The following SYT10 variants were observed in gnomAD, a reference collection of about 807,000 sequenced individuals.
The protein encoded by SYT10 is synaptotagmin 10, also known as synaptotagmin-10.
In SYT10, 31 loss-of-function variants were observed where a neutral mutation model predicts 51.1. The ratio of observed to expected loss-of-function variants is 0.61; its 90% CI spans 0.46 to 0.82. The LOEUF is 0.82. SYT10 is among the 40% of genes least tolerant of loss of function. The pLI is 0.00. For synonymous variants in SYT10, 233 were observed against 225.9 expected (o/e 1.03, Z -0.28); for missense variants, 603 against 634.0 (o/e 0.95, Z 0.53).
chr12:33,389,181 G>A (rs1447824076), intron 3 of SYT10, among the ~76,000 whole-genome samples: 6 of 152,138 alleles, frequency 3.9e-5, no homozygotes, highest in Non-Finnish European at 7.4e-5. Context: ...AGGAGAGTTA[G>A]GCTTGATGTA....
At chr12:33,421,848 A>G (rs1230108162) in intron 2 of SYT10, among the ~76,000 whole-genome samples, 2 of 152,294 alleles carry the variant, frequency 1.3e-5, no homozygotes, top group South Asian at 2.1e-4. Flanking sequence ...ATCTTGTAGT[A>G]CATAAAAACG....
At chr12:33,439,304 GGA>G in intron 1 of SYT10, 66 bp downstream of exon 1, 1 of 1,546,328 alleles carries the variant, frequency 6.5e-7, no homozygotes, top group Non-Finnish European at 8.7e-7. Flanking sequence ...GCAGAACCCC[GGA>G]GCTTGCAGCC....
chr12:33,412,982 C>T (rs1377964039), intron 2 of SYT10, among the ~76,000 whole-genome samples: 1 of 152,098 alleles, frequency 6.6e-6, no homozygotes, highest in African/African-American at 2.4e-5. Context: ...GTATAGAAGT[C>T]CTTAAATGAC....
intron 2 of SYT10, among the ~76,000 whole-genome samples, chr12:33,409,094 C>T (rs1866383703): frequency 6.6e-6 from 1 of 152,088 alleles, no homozygotes; most frequent in South Asian, 2.1e-4. Flanking sequence ...CCTCAGAACA[C>T]TCATTTCAAA....
chr12:33,393,206 T>G (rs1284612413), intron 3 of SYT10, among the ~76,000 whole-genome samples: 1 of 151,894 alleles, frequency 6.6e-6, no homozygotes, highest in Admixed American at 6.6e-5. Flanking sequence ...GACAGTGAAG[T>G]AAGAGGGAAT....
chr12:33,385,105 T>A, intron 4 of SYT10, 66 bp downstream of exon 4: 1 of 1,574,122 alleles, frequency 6.4e-7, no homozygotes, highest in Non-Finnish European at 8.7e-7. Flanking sequence ...TCATGTATCA[T>A]TTTTAGATAC....
chr12:33,408,710 G>A (rs1447314644), intron 2 of SYT10, among the ~76,000 whole-genome samples: 1 of 152,066 alleles, frequency 6.6e-6, no homozygotes, highest in East Asian at 1.9e-4. Flanking sequence ...AATTTCTAAG[G>A]AAGATTTCTA....
chr12:33,388,926 T>A (rs977060051), intron 3 of SYT10, among the ~76,000 whole-genome samples: 49 of 152,098 alleles, frequency 3.2e-4, no homozygotes, highest in African/African-American at 1.2e-3. Context: ...AATAGTAAAA[T>A]CAAGCTGTAG....
chr12:33,400,957 G>A (rs1866299034), intron 3 of SYT10, among the ~76,000 whole-genome samples: 1 of 151,460 alleles, frequency 6.6e-6, no homozygotes, highest in Non-Finnish European at 1.5e-5. Context: ...ACCTGGGGAG[G>A]TGGAGGCTGC....
intron 2 of SYT10, among the ~76,000 whole-genome samples, chr12:33,424,194 G>T (rs1453780565): frequency 6.6e-5 from 10 of 152,064 alleles, no homozygotes; most frequent in Non-Finnish European, 1.5e-5. Flanking sequence ...TAATTACTGA[G>T]AAATTCATAG....
chr12:33,418,263 C>T (rs1866472126), intron 2 of SYT10, among the ~76,000 whole-genome samples: 1 of 152,160 alleles, frequency 6.6e-6, no homozygotes, highest in Admixed American at 6.5e-5. Context: ...CTTCCAGGTT[C>T]CGCCCTCCCA....
intron 2 of SYT10, among the ~76,000 whole-genome samples, chr12:33,422,866 C>T (rs1010229154): frequency 5.3e-5 from 8 of 152,014 alleles, no homozygotes; most frequent in African/African-American, 1.9e-4. Context: ...ATTGTCTCCA[C>T]ATTATATTAT....
At chr12:33,429,184 T>C (rs1412890441) in intron 1 of SYT10, among the ~76,000 whole-genome samples, 3 of 152,180 alleles carry the variant, frequency 2.0e-5, no homozygotes, top group Non-Finnish European at 4.4e-5. Context: ...GAAGCAAAGA[T>C]CAAAGAATTG....
intron 3 of SYT10, among the ~76,000 whole-genome samples, chr12:33,406,397 A>G (rs1866352927): frequency 6.6e-6 from 1 of 152,146 alleles, no homozygotes; most frequent in African/African-American, 2.4e-5. Context: ...TAAATAATGA[A>G]GTCATTATTC....
At chr12:33,434,597 A>G (rs1047773667) in intron 1 of SYT10, among the ~76,000 whole-genome samples, 2 of 152,188 alleles carry the variant, frequency 1.3e-5, no homozygotes, top group Non-Finnish European at 2.9e-5. Context: ...TGAGGTCGGG[A>G]GTTGGAGACC....
At chr12:33,399,501 T>C (rs1866284391) in intron 3 of SYT10, among the ~76,000 whole-genome samples, 2 of 152,216 alleles carry the variant, frequency 1.3e-5, no homozygotes, top group Non-Finnish European at 2.9e-5. Context: ...CCTACAATCT[T>C]TCCCATGAAA....
intron 2 of SYT10, among the ~76,000 whole-genome samples, chr12:33,411,532 G>T (rs1866405092): frequency 6.6e-6 from 1 of 152,036 alleles, no homozygotes; most frequent in Non-Finnish European, 1.5e-5. Context: ...TTTGTAAGGC[G>T]ATTTGTGGTA....
intron 5 of SYT10, among the ~76,000 whole-genome samples, chr12:33,382,121 G>A (rs1591980623): frequency 1.3e-5 from 2 of 152,182 alleles, no homozygotes; most frequent in East Asian, 1.9e-4. Context: ...TACTACTTCT[G>A]GACCCATTCT....
chr12:33,426,163 TTTGTC>T lies in SYT10; in HGVS notation c.479_483del (p.Arg160AsnfsTer3), dbSNP rs1377117251. On this transcript the variant is annotated frameshift_variant, in exon 2 of 7. Transcript: ENST00000228567. LOFTEE classifies it high-confidence loss of function. Reference sequence around the variant, plus strand: ...CGGGTTGATGACGTAGGCTCAGTAATTTGTCTTTGCACACGTGCATGTTTAATTAA... The same window carrying T: ...CGGGTTGATGACGTAGGCTCAGTAATTTTGCACACGTGCATGTTTAATTAA... The T allele has an allele frequency of 6.2e-7, 1 of 1,606,088 alleles. No homozygotes were observed. The highest frequency in any genetic ancestry group is 8.5e-7 in the Non-Finnish European group (1 of 1,177,956).
Sources: allele counts gnomAD v4.1 joint callset (sites outside exome capture counted in the v4.1 genomes callset), GRCh38; gene constraint gnomAD v4.1.1; transcripts MANE v1.5; gene names NCBI Gene and HGNC (gene_info 2026-07-23, HGNC 2026-07-21).